Variants in NTM observed in about 807,000 individuals in gnomAD.
The protein encoded by NTM is neurotrimin.
Under a neutral mutation model 42.1 loss-of-function variants are expected in NTM, and 13 were observed. That is an observed-to-expected ratio of 0.31 (90% CI 0.20 to 0.49). The LOEUF is 0.49. Ranked by LOEUF, NTM falls within the 20% of genes least tolerant of loss-of-function variation. The pLI, the probability that NTM is intolerant of heterozygous loss-of-function variation, is 0.99. For missense variants in NTM, 373 were observed against 452.8 expected, an observed-to-expected ratio of 0.82 and a Z score of 1.60; for synonymous variants, 187 against 179.2, an observed-to-expected ratio of 1.04 and a Z score of -0.35.
intron 1 of NTM, among the ~76,000 whole-genome samples, chr11:131,907,530 T>C (rs577325593): frequency 1.3e-5 from 2 of 152,328 alleles, no homozygotes; most frequent in Non-Finnish European, 2.9e-5. Flanking sequence ...CATTGTCCTA[T>C]AGATATTTTT....
At chr11:132,161,395 T>TC (rs1348565271) in intron 3 of NTM, among the ~76,000 whole-genome samples, 18 of 97,390 alleles carry the variant, frequency 1.8e-4, no homozygotes, top group African/African-American at 7.7e-4. Flanking sequence ...TTTTTTTTTT[T>TC]CCCCACAAAA....
At chr11:131,950,468 A>G (rs2060853555) in intron 2 of NTM, among the ~76,000 whole-genome samples, 2 of 150,684 alleles carry the variant, frequency 1.3e-5, no homozygotes, top group South Asian at 4.3e-4. Flanking sequence ...TCTCTCGTAC[A>G]CTTTGTTCAC....
intron 2 of NTM, among the ~76,000 whole-genome samples, chr11:132,097,652 C>G (rs2061169459): frequency 6.6e-6 from 1 of 152,060 alleles, no homozygotes; most frequent in Admixed American, 6.6e-5. Context: ...GTCAGGCTGG[C>G]CTGGGAAAAA....
chr11:131,456,838 T>C (rs1254400849), intron 1 of NTM, among the ~76,000 whole-genome samples: 1 of 150,262 alleles, frequency 6.7e-6, no homozygotes, highest in African/African-American at 2.5e-5. Flanking sequence ...TTCAGCTAAA[T>C]TGGATTATTT....
chr11:131,623,612 C>T (rs952623331), intron 1 of NTM, among the ~76,000 whole-genome samples: 3 of 152,324 alleles, frequency 2.0e-5, no homozygotes, highest in Non-Finnish European at 2.9e-5. Context: ...AACTAATCAG[C>T]GATGGGTTAG....
intron 1 of NTM, among the ~76,000 whole-genome samples, chr11:131,874,037 A>AT (rs1281079573): frequency 1.0e-4 from 1 of 9,788 alleles, no homozygotes; most frequent in East Asian, 0.028. Context: ...TATAATATAT[A>AT]TATATATATA....
At chr11:131,842,665 G>A (rs1485271734) in intron 1 of NTM, among the ~76,000 whole-genome samples, 2 of 152,146 alleles carry the variant, frequency 1.3e-5, no homozygotes, top group Non-Finnish European at 1.5e-5. Context: ...CAACCACTGA[G>A]TATGAAAATC....
chr11:132,321,310 A>C (rs921467622), intron 7 of NTM, among the ~76,000 whole-genome samples: 3 of 152,164 alleles, frequency 2.0e-5, no homozygotes, highest in Non-Finnish European at 4.4e-5. Flanking sequence ...AACTAGAATA[A>C]CCAATACAGA....
At chr11:131,419,713 G>A (rs1361540472) in intron 1 of NTM, among the ~76,000 whole-genome samples, 3 of 152,190 alleles carry the variant, frequency 2.0e-5, no homozygotes, top group African/African-American at 7.2e-5. Flanking sequence ...TATTTTAAGT[G>A]CAATGGCAAG....
chr11:132,180,738 C>A (rs951220260), intron 3 of NTM, among the ~76,000 whole-genome samples: 1 of 152,102 alleles, frequency 6.6e-6, no homozygotes, highest in Admixed American at 6.6e-5. Flanking sequence ...AATATGATTA[C>A]CACCAGAGTT....
chr11:131,774,369 T>C (rs1321740040), intron 1 of NTM, among the ~76,000 whole-genome samples: 5 of 152,166 alleles, frequency 3.3e-5, no homozygotes, highest in Admixed American at 6.5e-5. Flanking sequence ...ATCCTTGACT[T>C]TTCACACAAT....
At chr11:131,585,116 G>A (rs1315431365) in intron 1 of NTM, among the ~76,000 whole-genome samples, 2 of 152,208 alleles carry the variant, frequency 1.3e-5, no homozygotes, top group African/African-American at 4.8e-5. Context: ...GAGGAAGACG[G>A]GGAAGCAGAG....
intron 2 of NTM, among the ~76,000 whole-genome samples, chr11:131,994,640 A>G (rs1170485903): frequency 2.6e-5 from 4 of 152,168 alleles, no homozygotes; most frequent in Admixed American, 1.3e-4. Flanking sequence ...CATCATAAGC[A>G]CACTAGCCTC....
At chr11:131,845,013 T>G (rs931724922) in intron 1 of NTM, among the ~76,000 whole-genome samples, 6 of 152,322 alleles carry the variant, frequency 3.9e-5, no homozygotes, top group Non-Finnish European at 7.4e-5. Flanking sequence ...CAAATAAGCA[T>G]CCTTGCTTTG....
At chr11:132,261,894 G>A (rs753503) in intron 4 of NTM, among the ~76,000 whole-genome samples, 1 of 152,042 alleles carries the variant, frequency 6.6e-6, no homozygotes, top group South Asian at 2.1e-4. Flanking sequence ...TAAAGCCAAG[G>A]TGGGTGACTG....
chr11:131,698,266 C>T (rs1312123707), intron 1 of NTM, among the ~76,000 whole-genome samples: 1 of 152,158 alleles, frequency 6.6e-6, no homozygotes, highest in Admixed American at 6.5e-5. Context: ...GGCACAGGAA[C>T]AGAAGGTGTA....
At chr11:131,450,087 C>T (rs555770755) in intron 1 of NTM, among the ~76,000 whole-genome samples, 8 of 152,278 alleles carry the variant, frequency 5.3e-5, no homozygotes, top group African/African-American at 1.9e-4. Flanking sequence ...CCTGCAGGTC[C>T]CTGCAGGTAG....
chr11:132,250,098 G>C (rs1048321072), intron 4 of NTM, among the ~76,000 whole-genome samples: 4 of 152,078 alleles, frequency 2.6e-5, no homozygotes, highest in African/African-American at 9.7e-5. Context: ...TTTTTGTTTA[G>C]TGAAAATGTC....
At chr11:132,215,894 T>A (rs1190261966) in intron 4 of NTM, among the ~76,000 whole-genome samples, 2 of 152,128 alleles carry the variant, frequency 1.3e-5, no homozygotes, top group Non-Finnish European at 2.9e-5. Context: ...GCCATCTCCA[T>A]CCACATGAAG....
Sources: allele counts gnomAD v4.1 joint callset (sites outside exome capture counted in the v4.1 genomes callset), GRCh38; gene constraint gnomAD v4.1.1; transcripts MANE v1.5; gene names NCBI Gene and HGNC (gene_info 2026-07-23, HGNC 2026-07-21).